Variants in NFASC observed in about 807,000 individuals in gnomAD.
The protein encoded by NFASC is neurofascin homolog.
In NFASC, 43 loss-of-function variants were observed where a neutral mutation model predicts 147.5. The ratio of observed to expected loss-of-function variants is 0.29; its 90% CI spans 0.23 to 0.38. NFASC has a LOEUF of 0.38. NFASC is among the 10% of genes least tolerant of loss of function. The pLI, the probability that NFASC is intolerant of heterozygous loss-of-function variation, is 1.00. For missense variants in NFASC, 1,320 were observed against 1,689.0 expected (o/e 0.78, Z 3.83); for synonymous variants, 622 against 665.5 (o/e 0.93, Z 1.01).
chr1:204,938,647 C>T (rs577994824), intron 2 of NFASC, among the ~76,000 whole-genome samples: 22 of 152,324 alleles, frequency 1.4e-4, no homozygotes, highest in Admixed American at 2.6e-4. Context: ...CAGAGGTCTT[C>T]TACCAGGCAG....
chr1:204,998,127 C>T (rs189841699), intron 25 of NFASC: 4 of 153,344 alleles, frequency 2.6e-5, no homozygotes, highest in East Asian at 1.9e-4. Context: ...AGGGCTGGTA[C>T]GCTGAGCCAC....
chr1:204,883,008 G>C (rs1280238531), intron 1 of NFASC, among the ~76,000 whole-genome samples: 4 of 151,946 alleles, frequency 2.6e-5, no homozygotes, highest in African/African-American at 9.7e-5. Flanking sequence ...ATAGCTGCTG[G>C]AGGCCATGGA....
At chr1:204,984,148 G>A (rs1367572786) in intron 21 of NFASC, 1 of 1,604,458 alleles carries the variant, frequency 6.2e-7, no homozygotes. Flanking sequence ...ACCGAGTGAG[G>A]AAGCCAGCTC....
At chr1:204,991,457 G>T (rs1342324314) in intron 24 of NFASC, among the ~76,000 whole-genome samples, 151 bp downstream of exon 24, 2 of 152,232 alleles carry the variant, frequency 1.3e-5, no homozygotes, top group Non-Finnish European at 2.9e-5. Flanking sequence ...ACTGTCAAGA[G>T]GGATGTGTGT....
At position 204,996,562 on chromosome 1, in the gene NFASC, A is replaced by C. The variant is rs190390505; in HGVS notation, c.2783-608A>C. ...GACCGAGGAGAGCCAAGACCGGAGG[A>C]GGGCGAGGGCAGGCAGAACGCCGTG... On this transcript the variant is annotated intron_variant, in intron 24 of 29. Transcript: ENST00000339876. Among the ~76,000 whole-genome samples, 20 of 152,316 alleles carry C rather than the reference A, an allele frequency of 1.3e-4. No homozygotes were observed. The East Asian group carries it at 3.9e-3, about 29-fold the overall frequency.
intron 1 of NFASC, among the ~76,000 whole-genome samples, chr1:204,919,120 A>G (rs749053083): frequency 7.3e-5 from 11 of 150,462 alleles, no homozygotes; most frequent in Admixed American, 1.3e-4. Flanking sequence ...TGCCTCCCCA[A>G]TTCAAGTGAT....
rs1207217975 is a variant in NFASC, at chr1:205,015,307, A to G, written c.3492-1001A>G. Among the ~76,000 whole-genome samples the G allele has an allele frequency of 2.6e-5, 4 of 151,962 alleles. No individual in the cohort carries two copies. Among genetic ancestry groups the G allele is most frequent in the African/African-American group, 9.7e-5 (4 of 41,308 alleles). Reference sequence around the variant, plus strand: ...ACTGAGACCCAGACTCCCACTGCTCAGACCCAGACTCCCACTGCTCATCCT... The same window carrying G: ...ACTGAGACCCAGACTCCCACTGCTCGGACCCAGACTCCCACTGCTCATCCT... On this transcript the variant is annotated intron_variant, in intron 29 of 29. Transcript: ENST00000339876. The surrounding 1 kb of genome is among the most constrained non-coding windows in gnomAD (Gnocchi z 4.0).
chr1:205,007,902 C>T (rs1296016957), intron 27 of NFASC, among the ~76,000 whole-genome samples: 1 of 152,134 alleles, frequency 6.6e-6, no homozygotes, highest in African/African-American at 2.4e-5. Context: ...TTCAGTCCTA[C>T]GTGGGGGGTT....
intron 1 of NFASC, among the ~76,000 whole-genome samples, chr1:204,892,840 T>C (rs2082663597): frequency 6.6e-6 from 1 of 152,248 alleles, no homozygotes; most frequent in Admixed American, 6.5e-5. Context: ...CATATCTCTA[T>C]TGGACAGTTA....
intron 1 of NFASC, among the ~76,000 whole-genome samples, chr1:204,857,427 A>C (rs550461643): frequency 1.3e-5 from 2 of 152,150 alleles, no homozygotes; most frequent in Non-Finnish European, 2.9e-5. Context: ...ATCGGAGCAG[A>C]ATAACCCAAA....
intron 27 of NFASC, chr1:205,009,007 C>CATTAAAAA: frequency 5.6e-6 from 1 of 179,328 alleles, no homozygotes; most frequent in Non-Finnish European, 1.2e-5. Flanking sequence ...CAGTCCCCAC[C>CATTAAAAA]CTCAGGAAGC....
At chr1:204,874,882 G>A (rs1483077439) in intron 1 of NFASC, among the ~76,000 whole-genome samples, 2 of 152,162 alleles carry the variant, frequency 1.3e-5, no homozygotes, top group Non-Finnish European at 2.9e-5. Context: ...GGTGGGGGCA[G>A]GTGGCATCAT....
intron 1 of NFASC, among the ~76,000 whole-genome samples, chr1:204,892,049 A>G (rs1053778245): frequency 6.6e-6 from 1 of 152,232 alleles, no homozygotes; most frequent in Non-Finnish European, 1.5e-5. Flanking sequence ...TGCTGTAGGC[A>G]TGCATTTTTT....
chr1:204,908,128 C>T lies in NFASC; in HGVS notation c.-199-12504C>T, dbSNP rs905516098. Among the ~76,000 whole-genome samples, 5 of 152,084 alleles carry T rather than the reference C, an allele frequency of 3.3e-5. No individual in the cohort carries two copies. In the East Asian group the frequency reaches 7.7e-4, roughly 23 times the overall value. Reference sequence around the variant, plus strand: ...TCCCAAGCAGCTGAGACTACAGGCACGCACCACTATGCCTGGCTAATTTTT... The same window carrying T: ...TCCCAAGCAGCTGAGACTACAGGCATGCACCACTATGCCTGGCTAATTTTT... On this transcript the variant is annotated intron_variant, in intron 1 of 29. Transcript: ENST00000339876.
intron 1 of NFASC, among the ~76,000 whole-genome samples, chr1:204,856,892 G>T (rs1235995102): frequency 2.6e-5 from 4 of 152,200 alleles, no homozygotes; most frequent in African/African-American, 9.7e-5. Flanking sequence ...TCCATCATAG[G>T]TATATACCAG....
At chr1:204,924,384 T>TA (rs1475472280) in intron 2 of NFASC, among the ~76,000 whole-genome samples, 1 of 152,196 alleles carries the variant, frequency 6.6e-6, no homozygotes. Flanking sequence ...GACAGGAATT[T>TA]AAAAAATGCA....
At chr1:204,903,197 G>A (rs1464374356) in intron 1 of NFASC, among the ~76,000 whole-genome samples, 2 of 152,170 alleles carry the variant, frequency 1.3e-5, no homozygotes, top group African/African-American at 4.8e-5. Flanking sequence ...TTGGTTGCAT[G>A]AGCAAGACAA....
At chr1:204,961,191 CT>C (rs1208457947) in intron 8 of NFASC, among the ~76,000 whole-genome samples, 3 of 152,198 alleles carry the variant, frequency 2.0e-5, no homozygotes, top group Non-Finnish European at 4.4e-5. Flanking sequence ...GATGTGTCCT[CT>C]TCTGAAATGT....
At chr1:204,977,574 C>A in intron 16 of NFASC, 107 bp from the exon 17 acceptor site, 2 of 987,150 alleles carry the variant, frequency 2.0e-6, no homozygotes, top group Non-Finnish European at 3.1e-6. Flanking sequence ...TAGAACACCT[C>A]AGCCCAGAGG....
Sources: allele counts gnomAD v4.1 joint callset (sites outside exome capture counted in the v4.1 genomes callset), GRCh38; gene constraint gnomAD v4.1.1; non-coding constraint Gnocchi (gnomAD v3.1); transcripts MANE v1.5; gene names NCBI Gene and HGNC (gene_info 2026-07-23, HGNC 2026-07-21).